Variants in TPRG1 observed in about 807,000 individuals in gnomAD.
TPRG1 encodes the protein tumor protein p63-regulated gene 1 protein.
Under a neutral mutation model 29.3 loss-of-function variants are expected in TPRG1, and 29 were observed. That is an observed-to-expected ratio of 0.99 (90% CI 0.74 to 1.35). The LOEUF is 1.35. Ranked by LOEUF, TPRG1 falls within the 40% of genes most tolerant of loss-of-function variation. TPRG1 has a pLI of 0.00. For missense variants in TPRG1, 327 were observed against 335.0 expected (o/e 0.98, Z 0.19); for synonymous variants, 130 against 116.8 (o/e 1.11, Z -0.73).
chr3:189,087,080 A>T (rs1717995643), intron 4 of TPRG1, among the ~76,000 whole-genome samples: 1 of 152,222 alleles, frequency 6.6e-6, no homozygotes, highest in Admixed American at 6.5e-5. Context: ...AGGAATCGCC[A>T]CACTGTCTTC....
chr3:189,312,597 T>C (rs77999886), intron 5 of TPRG1, among the ~76,000 whole-genome samples: 2,454 of 152,272 alleles, frequency 0.016, 69 homozygotes, highest in African/African-American at 0.056. Flanking sequence ...CTGAATGCCC[T>C]TTGCAGGAAG....
At chr3:189,242,111 T>A (rs934942192) in intron 4 of TPRG1, among the ~76,000 whole-genome samples, 1 of 152,156 alleles carries the variant, frequency 6.6e-6, no homozygotes, top group Non-Finnish European at 1.5e-5. Flanking sequence ...AAAATTTGCC[T>A]TGAGTAAAGA....
At chr3:189,192,533 T>C (rs1476892999) in intron 1 of TPRG1, among the ~76,000 whole-genome samples, 1 of 152,082 alleles carries the variant, frequency 6.6e-6, no homozygotes, top group East Asian at 1.9e-4. Context: ...TTGAAAAGAG[T>C]AAAACTTAAG....
chr3:189,075,134 TA>T (rs1282140352), intron 4 of TPRG1, among the ~76,000 whole-genome samples: 9 of 151,282 alleles, frequency 5.9e-5, no homozygotes, highest in Admixed American at 2.0e-4. Context: ...TAAATTTTAT[TA>T]TTTTTTTTAT....
intron 4 of TPRG1, among the ~76,000 whole-genome samples, chr3:189,054,453 C>G (rs938060979): frequency 1.7e-4 from 25 of 151,086 alleles, no homozygotes; most frequent in Non-Finnish European, 2.8e-4. Flanking sequence ...CTGCATCTAG[C>G]CTGTAATCAA....
intron 4 of TPRG1, among the ~76,000 whole-genome samples, chr3:189,304,496 C>T (rs1480078944): frequency 6.6e-6 from 1 of 152,038 alleles, no homozygotes; most frequent in East Asian, 1.9e-4. Context: ...AGCTAAAGGC[C>T]CTGGAAACTT....
chr3:189,103,627 A>T (rs934554441), intron 1 of TPRG1, among the ~76,000 whole-genome samples: 1 of 152,210 alleles, frequency 6.6e-6, no homozygotes, highest in Non-Finnish European at 1.5e-5. Flanking sequence ...TAGAAGTAAA[A>T]ATAAGCCAGA....
chr3:189,275,421 A>T (rs1715963518), intron 4 of TPRG1, among the ~76,000 whole-genome samples: 1 of 152,186 alleles, frequency 6.6e-6, no homozygotes, highest in Admixed American at 6.5e-5. Flanking sequence ...AATTGACAAT[A>T]AAGAGAATTC....
intron 3 of TPRG1, 76 bp downstream of exon 3, chr3:189,215,459 T>C: frequency 8.5e-7 from 1 of 1,183,378 alleles, no homozygotes; most frequent in Non-Finnish European, 1.2e-6. Context: ...GAATAGGAGA[T>C]GGACCTGTGG....
chr3:189,309,197 A>G (rs1208890745), intron 4 of TPRG1, among the ~76,000 whole-genome samples: 9 of 150,654 alleles, frequency 6.0e-5, no homozygotes. Context: ...GACTTTTTTT[A>G]CTTTCCTTTT....
intron 3 of TPRG1, among the ~76,000 whole-genome samples, chr3:189,020,679 G>T (rs1407351439): frequency 2.9e-5 from 4 of 136,442 alleles, no homozygotes; most frequent in Non-Finnish European, 6.3e-5. Context: ...AATAGGTGTG[G>T]TGTGGTGCTG....
chr3:189,064,164 C>T (rs1390045379), intron 4 of TPRG1, among the ~76,000 whole-genome samples: 1 of 152,006 alleles, frequency 6.6e-6, no homozygotes, highest in Non-Finnish European at 1.5e-5. Flanking sequence ...ATATAGTATC[C>T]GTAGGACTGA....
At chr3:189,161,830 A>T (rs1727529703) in intron 5 of TPRG1, among the ~76,000 whole-genome samples, 1 of 152,104 alleles carries the variant, frequency 6.6e-6, no homozygotes, top group Non-Finnish European at 1.5e-5. Flanking sequence ...AGGTAAAAGG[A>T]TATGGAGGGT....
intron 3 of TPRG1, among the ~76,000 whole-genome samples, chr3:189,021,623 C>A (rs1713315395): frequency 6.6e-6 from 1 of 152,194 alleles, no homozygotes; most frequent in Non-Finnish European, 1.5e-5. Context: ...ATGGGCTTCC[C>A]TTTGAGGGTA....
intron 5 of TPRG1, among the ~76,000 whole-genome samples, chr3:189,315,220 G>A (rs528954809): frequency 6.6e-6 from 1 of 151,436 alleles, no homozygotes; most frequent in Admixed American, 6.6e-5. Context: ...TATAATAATA[G>A]TTCTATGTTA....
chr3:189,302,614 T>C (rs1004240226), intron 4 of TPRG1, among the ~76,000 whole-genome samples: 14 of 152,184 alleles, frequency 9.2e-5, no homozygotes, highest in African/African-American at 1.4e-4. Flanking sequence ...ATTTGTTTCT[T>C]TCTGACAGAC....
chr3:189,014,274 T>C (rs557914746), intron 3 of TPRG1, among the ~76,000 whole-genome samples: 2 of 152,260 alleles, frequency 1.3e-5, no homozygotes, highest in African/African-American at 4.8e-5. Flanking sequence ...TGAAGCTTAG[T>C]TTGGCTGGAT....
At chr3:189,293,954 A>G (rs965685536) in intron 4 of TPRG1, among the ~76,000 whole-genome samples, 5 of 152,230 alleles carry the variant, frequency 3.3e-5, no homozygotes, top group African/African-American at 1.2e-4. Context: ...TCCTGAGCCT[A>G]GTTTCCAATA....
chr3:189,173,650 A>G (rs1425130036), intron 1 of TPRG1, among the ~76,000 whole-genome samples: 3 of 152,148 alleles, frequency 2.0e-5, no homozygotes, highest in Non-Finnish European at 1.5e-5. Context: ...ACTGAGGCCC[A>G]GAAAGATGAA....
Sources: allele counts gnomAD v4.1 joint callset (sites outside exome capture counted in the v4.1 genomes callset), GRCh38; gene constraint gnomAD v4.1.1; transcripts MANE v1.5; gene names NCBI Gene and HGNC (gene_info 2026-07-23, HGNC 2026-07-21).